TAF3: variants seen among roughly 807,000 people sequenced by gnomAD.
TAF3 encodes the protein TATA-box binding protein associated factor 3.
A neutral mutation model predicts 80.6 loss-of-function variants in TAF3; 7 were observed. The observed-to-expected ratio is 0.09, with a 90% CI of 0.05 to 0.16. The LOEUF (loss-of-function observed/expected upper bound fraction) is 0.16. Among genes scored for constraint, TAF3 ranks in the 10% least tolerant of loss-of-function variants. The pLI, the probability that TAF3 is intolerant of heterozygous loss-of-function variation, is 1.00. For missense variants in TAF3, 921 were observed against 1,140.2 expected (o/e 0.81, Z 2.77); for synonymous variants, 444 against 446.1 (o/e 1.00, Z 0.06).
Position 7,930,854 on chromosome 10 carries a change from TA to T in TAF3, c.410-33061del, listed in dbSNP as rs749107286. Among the ~76,000 whole-genome samples the T allele has an allele frequency of 1.3e-4, 20 of 152,126 alleles. No homozygotes were observed. In the East Asian group the frequency reaches 2.7e-3, roughly 21 times the overall value. On this transcript the variant is annotated intron_variant, in intron 2 of 6. Transcript: ENST00000344293. The stretch of plus-strand genomic sequence containing the variant: ...TATATATTTTTTATACTTTTGTATA[TA>T]AAAATATAAGGGCTTATATTTTTGT...
chr10:7,873,916 G>A (rs1316652128), intron 2 of TAF3, among the ~76,000 whole-genome samples: 1 of 152,200 alleles, frequency 6.6e-6, no homozygotes, highest in African/African-American at 2.4e-5. Flanking sequence ...TAGGTTCCCT[G>A]TATCATCTTG....
intron 2 of TAF3, among the ~76,000 whole-genome samples, chr10:7,911,175 A>G (rs1837653769): frequency 6.6e-6 from 1 of 152,226 alleles, no homozygotes; most frequent in African/African-American, 2.4e-5. Context: ...TTAATTATTG[A>G]TATGATCAAA....
intron 2 of TAF3, among the ~76,000 whole-genome samples, chr10:7,920,794 A>G (rs1323992434): frequency 1.3e-5 from 2 of 152,230 alleles, no homozygotes; most frequent in Non-Finnish European, 2.9e-5. Flanking sequence ...AAATATTTGA[A>G]GGAAATTTGG....
At position 7,871,139 on chromosome 10, in the gene TAF3, T is replaced by C. The variant is rs190411877; in HGVS notation, c.409+46579T>C. ...TAAACTTTATTAGTTCACTTAAAAG[T>C]TTCCTATCATACAATATAAAATTCA... On this transcript the variant is annotated intron_variant, in intron 2 of 6. Transcript: ENST00000344293. Among the ~76,000 whole-genome samples the C allele has an allele frequency of 6.0e-3, 909 of 152,290 alleles. 3 individuals carry two copies. The highest frequency in any genetic ancestry group is 9.1e-3 in the Non-Finnish European group (621 of 68,014).
At chr10:7,870,548 G>A (rs1837255143) in intron 2 of TAF3, among the ~76,000 whole-genome samples, 1 of 152,028 alleles carries the variant, frequency 6.6e-6, no homozygotes, top group Non-Finnish European at 1.5e-5. Flanking sequence ...GATTTCCATT[G>A]TACAATTGGA....
At chr10:7,859,597 G>A (rs968295180) in intron 2 of TAF3, among the ~76,000 whole-genome samples, 6 of 152,222 alleles carry the variant, frequency 3.9e-5, no homozygotes, top group East Asian at 1.9e-4. Context: ...AACCTTAGAC[G>A]CCCTCCATTT....
intron 4 of TAF3, among the ~76,000 whole-genome samples, chr10:7,997,835 T>A (rs951413695): frequency 5.9e-5 from 9 of 152,136 alleles, no homozygotes; most frequent in African/African-American, 2.2e-4. Flanking sequence ...AAGCACCGTC[T>A]AGAAGTATGA....
intron 2 of TAF3, among the ~76,000 whole-genome samples, chr10:7,910,657 A>G (rs985152925): frequency 1.7e-4 from 26 of 152,326 alleles, no homozygotes; most frequent in African/African-American, 6.3e-4. Flanking sequence ...CTGGGATTAC[A>G]GGTGTGAGCC....
intron 2 of TAF3, among the ~76,000 whole-genome samples, chr10:7,841,245 A>C (rs1295451948): frequency 6.6e-6 from 1 of 152,208 alleles, no homozygotes; most frequent in Admixed American, 6.5e-5. Context: ...CCAAAAGTAA[A>C]TTCAAAATAA....
intron 2 of TAF3, among the ~76,000 whole-genome samples, chr10:7,897,165 T>C (rs1340458116): frequency 6.6e-6 from 1 of 152,216 alleles, no homozygotes; most frequent in Non-Finnish European, 1.5e-5. Flanking sequence ...TTGGCAAGTC[T>C]CGCTTGTGCA....
chr10:8,013,954 ACAGTACATGGAGT>A, intron 6 of TAF3, 117 bp downstream of exon 6: 1 of 812,800 alleles, frequency 1.2e-6, no homozygotes, highest in Non-Finnish European at 2.1e-6. Flanking sequence ...TGTCCTAGGG[ACAGTACATGGAGT>A]CAAATCACTG....
rs144220776 is a variant in TAF3 at position 7,957,683 on chromosome 10, C to T, written c.410-6237C>T. 3.3e-5 allele frequency among the ~76,000 whole-genome samples: 5 copies of T among 151,734 alleles called. No individual in the cohort carries two copies. In the East Asian group the frequency reaches 5.8e-4, roughly 18 times the overall value. On this transcript the variant is annotated intron_variant, in intron 2 of 6. Coordinates refer to ENST00000344293, the MANE Select transcript of TAF3 (RefSeq NM_031923.4). ...TATGTACAGAAGAGTCCTTTTCTCCCGTTTCAGAACACTAAAATAACAGAA... is the reference window on the plus strand; with the variant it reads ...TATGTACAGAAGAGTCCTTTTCTCCTGTTTCAGAACACTAAAATAACAGAA...
intron 2 of TAF3, among the ~76,000 whole-genome samples, chr10:7,926,078 T>C (rs1478506813): frequency 6.6e-6 from 1 of 152,158 alleles, no homozygotes; most frequent in East Asian, 1.9e-4. Context: ...TTAGAAAGGA[T>C]TTTGTTGTTT....
intron 2 of TAF3, among the ~76,000 whole-genome samples, chr10:7,951,850 C>T (rs1422367971): frequency 6.6e-6 from 1 of 152,082 alleles, no homozygotes; most frequent in Non-Finnish European, 1.5e-5. Context: ...CCACATAGCC[C>T]AATAATTGGC....
At chr10:7,974,141 C>T (rs1588572766) in intron 3 of TAF3, among the ~76,000 whole-genome samples, 1 of 78,446 alleles carries the variant, frequency 1.3e-5, no homozygotes, top group Non-Finnish European at 3.3e-5. Flanking sequence ...CATACACACA[C>T]ACACACACAC....
In TAF3 at chr10:7,827,136, T is replaced by C. The variant is rs139782779; in HGVS notation, c.409+2576T>C. On this transcript the variant is annotated intron_variant, in intron 2 of 6. Transcript: ENST00000344293. The stretch of plus-strand genomic sequence containing the variant: ...GCTGGAGCTGGCGAGTGTGCACACA[T>C]AGAAGGCCTGAAGGGGCAGCAGGCT... Among the ~76,000 whole-genome samples the C allele has an allele frequency of 5.4e-3, 825 of 152,216 alleles. 13 individuals carry two copies. The highest frequency in any genetic ancestry group is 0.019 in the African/African-American group (797 of 41,508).
At chr10:7,871,154 T>C (rs935520279) in intron 2 of TAF3, among the ~76,000 whole-genome samples, 12 of 152,128 alleles carry the variant, frequency 7.9e-5, no homozygotes, top group African/African-American at 2.9e-4. Flanking sequence ...TATCATACAA[T>C]ATAAAATTCA....
intron 2 of TAF3, among the ~76,000 whole-genome samples, chr10:7,888,509 AAAG>A (rs34710271): frequency 0.35 from 53,040 of 151,830 alleles, 10,410 homozygotes; most frequent in Admixed American, 0.48. Flanking sequence ...GAGATCTTCT[AAAG>A]AAGATGTGGA....
intron 2 of TAF3, among the ~76,000 whole-genome samples, chr10:7,919,061 G>A (rs1837739308): frequency 6.6e-6 from 1 of 152,132 alleles, no homozygotes. Context: ...CCTGGACATA[G>A]AGGAGATTTT....
Sources: allele counts gnomAD v4.1 joint callset (sites outside exome capture counted in the v4.1 genomes callset), GRCh38; gene constraint gnomAD v4.1.1; transcripts MANE v1.5; gene names NCBI Gene and HGNC (gene_info 2026-07-23, HGNC 2026-07-21).